The following KATNAL1 variants were observed in gnomAD, a reference collection of about 807,000 sequenced individuals.
KATNAL1 encodes the protein katanin catalytic subunit A1 like 1.
A neutral mutation model predicts 55.2 loss-of-function variants in KATNAL1; 32 were observed. The ratio of observed to expected loss-of-function variants is 0.58; its 90% CI spans 0.44 to 0.78. KATNAL1 has a LOEUF of 0.78. Ranked by LOEUF, KATNAL1 falls within the 30% of genes least tolerant of loss-of-function variation. The pLI is 0.00. For synonymous variants in KATNAL1, 193 were observed against 193.6 expected (o/e 1.00, Z 0.02); for missense variants, 466 against 600.9 (o/e 0.78, Z 2.35).
chr13:30,263,528 T>G (rs374615933), intron 3 of KATNAL1, among the ~76,000 whole-genome samples: 6,279 of 147,864 alleles, frequency 0.042, 103 homozygotes, highest in African/African-American at 0.078. Flanking sequence ...AAAGTCTCAG[T>G]ATACAAAATC....
chr13:30,277,318 T>C (rs935640330), intron 3 of KATNAL1, among the ~76,000 whole-genome samples: 1 of 152,236 alleles, frequency 6.6e-6, no homozygotes, highest in Non-Finnish European at 1.5e-5. Flanking sequence ...TCTTAATTTT[T>C]TTTATTCAAT....
intron 1 of KATNAL1, among the ~76,000 whole-genome samples, chr13:30,300,337 A>G (rs1398474066): frequency 6.6e-6 from 1 of 152,220 alleles, no homozygotes; most frequent in Non-Finnish European, 1.5e-5. Flanking sequence ...TTTCCTCCTA[A>G]AAGTTGTAAA....
chr13:30,235,509 A>G (rs1876563577), intron 6 of KATNAL1, among the ~76,000 whole-genome samples: 1 of 152,242 alleles, frequency 6.6e-6, no homozygotes, highest in Non-Finnish European at 1.5e-5. Flanking sequence ...TACCACATCA[A>G]GAATCAAATT....
intron 3 of KATNAL1, among the ~76,000 whole-genome samples, chr13:30,265,239 G>A (rs1289421749): frequency 6.6e-6 from 1 of 151,708 alleles, no homozygotes; most frequent in Non-Finnish European, 1.5e-5. Context: ...GGGGGGACGG[G>A]GGAGGGATAG....
intron 4 of KATNAL1, among the ~76,000 whole-genome samples, chr13:30,247,414 G>A (rs114257150): frequency 0.017 from 2,600 of 152,214 alleles, 68 homozygotes; most frequent in African/African-American, 0.06. Flanking sequence ...CTATCAATAC[G>A]TATGTTCTTT....
At chr13:30,282,627 A>C (rs1356629480) in intron 2 of KATNAL1, among the ~76,000 whole-genome samples, 1 of 143,830 alleles carries the variant, frequency 7.0e-6, no homozygotes, top group East Asian at 2.1e-4. Context: ...GACAGAGCAA[A>C]ACCCTGTCTC....
At chr13:30,243,044 T>C (rs1484331414) in intron 4 of KATNAL1, among the ~76,000 whole-genome samples, 2 of 152,196 alleles carry the variant, frequency 1.3e-5, no homozygotes, top group Non-Finnish European at 2.9e-5. Flanking sequence ...TATTACTAAG[T>C]GTACATAAAT....
chr13:30,258,652 C>T (rs1382168298), intron 3 of KATNAL1, among the ~76,000 whole-genome samples: 3 of 152,144 alleles, frequency 2.0e-5, no homozygotes, highest in African/African-American at 7.2e-5. Flanking sequence ...GATGATATCC[C>T]TCCCATGTTT....
At chr13:30,217,228 G>A (rs1874375080) in intron 9 of KATNAL1, among the ~76,000 whole-genome samples, 2 of 152,186 alleles carry the variant, frequency 1.3e-5, no homozygotes, top group South Asian at 4.1e-4. Flanking sequence ...CGAGGCGGGA[G>A]GATCATGAGG....
chr13:30,266,030 A>C (rs1387803576), intron 3 of KATNAL1, among the ~76,000 whole-genome samples: 3 of 150,014 alleles, frequency 2.0e-5, no homozygotes, highest in Admixed American at 6.6e-5. Flanking sequence ...AAAAAAAAAA[A>C]AAAAAAGTCT....
chr13:30,214,465 G>T lies in KATNAL1; in HGVS notation c.1148-4023C>A, dbSNP rs1047197755. 3.9e-4 allele frequency among the ~76,000 whole-genome samples: 60 copies of T among 152,120 alleles called. 1 individual carries two copies. The highest frequency in any genetic ancestry group is 1.4e-3 in the African/African-American group (59 of 41,406). On this transcript the variant is annotated intron_variant, in intron 9 of 10. Transcript: ENST00000380615. The stretch of plus-strand genomic sequence containing the variant: ...ACCAAAAAAGAGCCCACGTCGCCAA[G>T]TCAATCCTAAGCCAAAAGAACAAAG...
rs1034800548 is a variant in KATNAL1 at position 30,216,327 on chromosome 13, C to T, written c.1148-5885G>A. On this transcript the variant is annotated intron_variant, in intron 9 of 10. Coordinates refer to ENST00000380615, the MANE Select transcript of KATNAL1 (RefSeq NM_032116.5). ...AGGAACCATGCTGGGAGGGAACACG[C>T]TGGGAGCTGCTGAGTTCCAGGGAGG... Among the ~76,000 whole-genome samples the T allele has an allele frequency of 2.0e-5, 3 of 152,266 alleles. No individual in the cohort carries two copies. The East Asian group carries it at 5.8e-4, about 29-fold the overall frequency.
At chr13:30,269,808 A>G (rs1264803309) in intron 3 of KATNAL1, among the ~76,000 whole-genome samples, 22 of 100,466 alleles carry the variant, frequency 2.2e-4, no homozygotes, top group African/African-American at 7.9e-4. Flanking sequence ...CAGCCGCCCC[A>G]TCTGAGAAGT....
At chr13:30,225,794 T>C (rs557885968) in intron 9 of KATNAL1, among the ~76,000 whole-genome samples, 48 of 151,972 alleles carry the variant, frequency 3.2e-4, no homozygotes, top group Non-Finnish European at 5.7e-4. Context: ...CAAAAAGTAC[T>C]ATTCATTAAA....
intron 6 of KATNAL1, among the ~76,000 whole-genome samples, chr13:30,234,465 T>C (rs940405551): frequency 6.6e-5 from 10 of 152,316 alleles, no homozygotes; most frequent in Admixed American, 3.9e-4. Context: ...TACATGGTAT[T>C]CATTCCCCTC....
intron 3 of KATNAL1, among the ~76,000 whole-genome samples, chr13:30,269,546 G>A (rs1443149841): frequency 6.6e-6 from 1 of 151,798 alleles, no homozygotes; most frequent in Non-Finnish European, 1.5e-5. Flanking sequence ...TCTGGGACGT[G>A]AGGAGCCCCT....
At chr13:30,274,907 GCA>G (rs368435407) in intron 3 of KATNAL1, among the ~76,000 whole-genome samples, 12,734 of 104,804 alleles carry the variant, frequency 0.12, 676 homozygotes, top group Admixed American at 0.14. Context: ...GCGCGCGCGC[GCA>G]CACACACACA....
rs1440087993 is a variant in KATNAL1, at chr13:30,231,387, T to C, written c.812A>G (p.Asn271Ser). 3.1e-6 allele frequency: 5 copies of C among 1,609,850 alleles called. No homozygotes were observed. Among genetic ancestry groups the C allele is most frequent in the Admixed American group, 1.7e-5 (1 of 59,434 alleles). The change falls in exon 7 of 11, where the codon AAC becomes AGC. Residue 271 changes from asparagine to serine, a missense_variant. Around this residue, in one of 3 missense-constraint regions of KATNAL1, gnomAD observed 213 missense variants for 308.6 expected, o/e 0.69. Coordinates refer to ENST00000380615, the MANE Select transcript of KATNAL1 (RefSeq NM_032116.5). ...AGATGTCAGTGTAGAAGACGAAACG[T>C]TGAAGAATGTTGTACCACATTCAGT... The part of the protein sequence containing the change: ...VATECGTTFF[N>S]VSSSTLTSKY...
At chr13:30,231,716 C>T (rs541868096) in intron 6 of KATNAL1, among the ~76,000 whole-genome samples, 1 of 152,224 alleles carries the variant, frequency 6.6e-6, no homozygotes, top group East Asian at 1.9e-4. Flanking sequence ...AGACAACAAA[C>T]AAGTTTCTCA....
Sources: gnomAD v4.1 joint callset for allele counts (sites outside exome capture counted in the v4.1 genomes callset) on GRCh38, gnomAD v4.1.1 for gene constraint, gnomAD v4.1.1 regional missense constraint, MANE v1.5 for transcripts, NCBI Gene and HGNC (gene_info 2026-07-23, HGNC 2026-07-21) for gene names.